The following NELL1 variants were observed in gnomAD, a reference collection of about 807,000 sequenced individuals.
NELL1 encodes the protein protein kinase C-binding protein NELL1.
In NELL1, 76 loss-of-function variants were observed where a neutral mutation model predicts 107.4. The ratio of observed to expected loss-of-function variants is 0.71; its 90% CI spans 0.59 to 0.86. The LOEUF is 0.86. Ranked by LOEUF, NELL1 falls within the 40% of genes least tolerant of loss-of-function variation. The pLI, the probability that NELL1 is intolerant of heterozygous loss-of-function variation, is 0.00. For missense variants in NELL1, 1,024 were observed against 1,005.5 expected (o/e 1.02, Z -0.25); for synonymous variants, 353 against 341.2 (o/e 1.03, Z -0.38).
chr11:21,049,925 C>T (rs571693517), intron 12 of NELL1, among the ~76,000 whole-genome samples: 2 of 132,570 alleles, frequency 1.5e-5, no homozygotes, highest in Non-Finnish European at 3.1e-5. Context: ...TTAATTAATT[C>T]GTGCCATTAA....
chr11:21,464,189 C>T (rs1176924113), intron 15 of NELL1, among the ~76,000 whole-genome samples: 2 of 151,950 alleles, frequency 1.3e-5, no homozygotes, highest in Non-Finnish European at 2.9e-5. Context: ...ACAGCCTGCC[C>T]AGACTCAATA....
chr11:21,221,438 T>C (rs147569498), intron 13 of NELL1, among the ~76,000 whole-genome samples: 1 of 152,212 alleles, frequency 6.6e-6, no homozygotes, highest in African/African-American at 2.4e-5. Context: ...GTTTTTGTAA[T>C]AATTTAGAAG....
intron 1 of NELL1, among the ~76,000 whole-genome samples, chr11:20,676,163 A>C (rs1171326392): frequency 6.6e-6 from 1 of 152,018 alleles, no homozygotes; most frequent in Non-Finnish European, 1.5e-5. Context: ...CCTTCTCTGC[A>C]TGTGGAAAGC....
intron 4 of NELL1, among the ~76,000 whole-genome samples, chr11:20,850,022 G>A (rs991823277): frequency 6.6e-6 from 1 of 152,148 alleles, no homozygotes; most frequent in Non-Finnish European, 1.5e-5. Flanking sequence ...TAGAAAGAGG[G>A]GAAGGAATTT....
intron 15 of NELL1, among the ~76,000 whole-genome samples, chr11:21,510,232 A>T (rs1365758701): frequency 6.6e-6 from 1 of 152,196 alleles, no homozygotes; most frequent in Non-Finnish European, 1.5e-5. Flanking sequence ...TTTAGAAATC[A>T]TGTTTATGAA....
chr11:20,916,917 C>T (rs1250674151), intron 5 of NELL1, among the ~76,000 whole-genome samples: 2 of 151,902 alleles, frequency 1.3e-5, no homozygotes, highest in Non-Finnish European at 2.9e-5. Context: ...AGGTGGCTAA[C>T]TTATTGCCTA....
intron 12 of NELL1, among the ~76,000 whole-genome samples, chr11:20,993,892 CAAAAA>C (rs66593988): frequency 0.064 from 8,010 of 124,866 alleles, 261 homozygotes; most frequent in Middle Eastern, 0.25. Flanking sequence ...TCTTTGTTGC[CAAAAA>C]AAAAAAAAAA....
chr11:20,959,459 G>C (rs1003338486), intron 11 of NELL1, among the ~76,000 whole-genome samples: 31 of 152,126 alleles, frequency 2.0e-4, no homozygotes, highest in Admixed American at 3.3e-4. Flanking sequence ...AAGAAACTGT[G>C]ATATAGATGA....
At chr11:21,397,958 C>A (rs1449287976) in intron 15 of NELL1, among the ~76,000 whole-genome samples, 1 of 151,444 alleles carries the variant, frequency 6.6e-6, no homozygotes, top group East Asian at 2.0e-4. Flanking sequence ...CTTCTGTCGC[C>A]AGAATTGTGA....
At chr11:21,527,054 A>T (rs1207276682) in intron 15 of NELL1, among the ~76,000 whole-genome samples, 1 of 152,146 alleles carries the variant, frequency 6.6e-6, no homozygotes, top group Non-Finnish European at 1.5e-5. Context: ...TCAAACTTTT[A>T]TGCTCTGCTT....
intron 12 of NELL1, among the ~76,000 whole-genome samples, chr11:21,025,628 A>G (rs1324950641): frequency 6.6e-6 from 1 of 151,908 alleles, no homozygotes; most frequent in Non-Finnish European, 1.5e-5. Context: ...GACTCTCTTC[A>G]TGGACTTTTC....
chr11:20,707,370 C>A (rs541990516), intron 2 of NELL1, among the ~76,000 whole-genome samples: 10 of 152,194 alleles, frequency 6.6e-5, no homozygotes, highest in Non-Finnish European at 1.3e-4. Context: ...TCCCTCAACT[C>A]GTCAAAATCA....
chr11:21,508,329 G>A (rs973477555), intron 15 of NELL1, among the ~76,000 whole-genome samples: 1 of 152,012 alleles, frequency 6.6e-6, no homozygotes, highest in Non-Finnish European at 1.5e-5. Flanking sequence ...ATAAAATATT[G>A]TGTAGATACA....
At chr11:20,737,092 G>A (rs57881431) in intron 2 of NELL1, among the ~76,000 whole-genome samples, 4,984 of 151,966 alleles carry the variant, frequency 0.033, 261 homozygotes, top group African/African-American at 0.11. Context: ...CCAGTCCTGT[G>A]TAGCCTTCTT....
At chr11:21,488,152 A>C (rs1330347635) in intron 15 of NELL1, among the ~76,000 whole-genome samples, 1 of 152,196 alleles carries the variant, frequency 6.6e-6, no homozygotes. Flanking sequence ...CATGGATTTA[A>C]ATTGGACTTT....
chr11:20,695,226 A>G (rs1179344369), intron 2 of NELL1, among the ~76,000 whole-genome samples: 4 of 152,150 alleles, frequency 2.6e-5, no homozygotes, highest in Non-Finnish European at 5.9e-5. Context: ...GTAGAGAATC[A>G]TATCATCAGT....
At chr11:21,243,168 G>T (rs369831355) in intron 14 of NELL1, among the ~76,000 whole-genome samples, 1 of 152,062 alleles carries the variant, frequency 6.6e-6, no homozygotes, top group Non-Finnish European at 1.5e-5. Flanking sequence ...AAAAAATCAA[G>T]TATTCATATC....
chr11:20,939,560 A>G (rs1850805028), intron 10 of NELL1, among the ~76,000 whole-genome samples: 1 of 152,174 alleles, frequency 6.6e-6, no homozygotes, highest in East Asian at 1.9e-4. Context: ...TTTGGATCAT[A>G]TGTCCAAGCT....
intron 14 of NELL1, among the ~76,000 whole-genome samples, chr11:21,275,199 A>G (rs892102285): frequency 3.9e-5 from 6 of 152,230 alleles, no homozygotes; most frequent in African/African-American, 1.4e-4. Context: ...TAGACGCAAT[A>G]AAAAATGATA....
Sources: allele counts gnomAD v4.1 joint callset (sites outside exome capture counted in the v4.1 genomes callset), GRCh38; gene constraint gnomAD v4.1.1; transcripts MANE v1.5; gene names NCBI Gene and HGNC (gene_info 2026-07-23, HGNC 2026-07-21).